The following MSRA variants were observed in gnomAD, a reference collection of about 807,000 sequenced individuals.
MSRA encodes methionine sulfoxide reductase A.
Under a neutral mutation model 31.3 loss-of-function variants are expected in MSRA, and 54 were observed. The ratio of observed to expected loss-of-function variants is 1.73; its 90% confidence interval spans 1.39 to 2.17. The LOEUF (loss-of-function observed/expected upper bound fraction) is 2.17, where lower values mean the gene tolerates loss of function less well. Among genes scored for constraint, MSRA ranks in the 30% most tolerant of loss-of-function variants. The pLI is 0.00. For missense variants in MSRA, 507 were observed against 300.9 expected, an observed-to-expected ratio of 1.69 and a Z score of -5.07; for synonymous variants, 169 against 116.5, an observed-to-expected ratio of 1.45 and a Z score of -2.90.
At chr8:10,096,342 G>A in intron 1 of MSRA, 1 of 1,044,724 alleles carries the variant, frequency 9.6e-7, no homozygotes, top group Non-Finnish European at 1.2e-6. Flanking sequence ...TTATTTTTTT[G>A]TGTGTCTTTG....
At chr8:10,099,161 A>T (rs942186905) in intron 1 of MSRA, among the ~76,000 whole-genome samples, 2 of 152,174 alleles carry the variant, frequency 1.3e-5, no homozygotes, top group African/African-American at 4.8e-5. Flanking sequence ...TATTCCATGC[A>T]GTTGTTCTCT....
chr8:10,332,450 A>ATCC (rs1802760819), intron 5 of MSRA, among the ~76,000 whole-genome samples: 2 of 133,020 alleles, frequency 1.5e-5, no homozygotes, highest in African/African-American at 5.7e-5. Context: ...AAAAAGAAAA[A>ATCC]TCCCCCCTCC....
intron 1 of MSRA, among the ~76,000 whole-genome samples, chr8:10,083,347 A>G (rs1798385755): frequency 6.6e-6 from 1 of 152,200 alleles, no homozygotes; most frequent in Admixed American, 6.5e-5. Context: ...AGGTTAAAAT[A>G]CTGTTTTTAG....
chr8:10,227,294 G>C (rs900405991), intron 2 of MSRA, among the ~76,000 whole-genome samples: 9 of 152,126 alleles, frequency 5.9e-5, no homozygotes, highest in Non-Finnish European at 1.3e-4. Flanking sequence ...TGACCTCAAG[G>C]GAGAGAATTA....
chr8:10,361,646 C>G (rs1804853158), intron 5 of MSRA, among the ~76,000 whole-genome samples: 2 of 152,154 alleles, frequency 1.3e-5, no homozygotes, highest in Non-Finnish European at 2.9e-5. Context: ...AGATGCTTGC[C>G]TTCTCAGGAG....
intron 5 of MSRA, among the ~76,000 whole-genome samples, chr8:10,402,688 T>C (rs563290615): frequency 1.0e-3 from 159 of 152,296 alleles, no homozygotes; most frequent in African/African-American, 3.7e-3. Context: ...CACAGTAGCA[T>C]TGGGAAATGC....
intron 3 of MSRA, among the ~76,000 whole-genome samples, chr8:10,253,368 C>T (rs1286296372): frequency 1.3e-5 from 2 of 152,186 alleles, no homozygotes; most frequent in Admixed American, 6.5e-5. Context: ...ACTCACGTCT[C>T]TCCTTGAACA....
intron 2 of MSRA, among the ~76,000 whole-genome samples, chr8:10,218,581 G>T (rs146080571): frequency 3.3e-4 from 50 of 152,264 alleles, no homozygotes; most frequent in Non-Finnish European, 2.9e-4. Flanking sequence ...TATAAATAGA[G>T]ACTTCTCTTT....
chr8:10,340,552 TG>T (rs1453843663), intron 5 of MSRA, among the ~76,000 whole-genome samples: 1 of 152,230 alleles, frequency 6.6e-6, no homozygotes, highest in Non-Finnish European at 1.5e-5. Flanking sequence ...TTTGTATTTT[TG>T]GTAGAGACAG....
intron 5 of MSRA, among the ~76,000 whole-genome samples, chr8:10,352,684 C>T (rs1426959033): frequency 1.3e-5 from 2 of 152,066 alleles, no homozygotes; most frequent in Non-Finnish European, 2.9e-5. Context: ...GATTGAGCTG[C>T]ACATTTCCCT....
At chr8:10,410,658 C>G (rs1012182404) in intron 5 of MSRA, among the ~76,000 whole-genome samples, 3 of 152,226 alleles carry the variant, frequency 2.0e-5, no homozygotes, top group Non-Finnish European at 4.4e-5. Context: ...GAGCCCAGGC[C>G]CCTCTTGTCC....
chr8:10,380,914 G>A (rs889719345), intron 5 of MSRA, among the ~76,000 whole-genome samples: 11 of 151,648 alleles, frequency 7.3e-5, no homozygotes, highest in Non-Finnish European at 1.6e-4. Context: ...TGGAGGGAGG[G>A]GGAGTGATGG....
chr8:10,286,736 G>A (rs1040080678), intron 3 of MSRA, among the ~76,000 whole-genome samples: 1 of 152,234 alleles, frequency 6.6e-6, no homozygotes, highest in Non-Finnish European at 1.5e-5. Context: ...GTCTTTGGAT[G>A]TCTCCTATCA....
intron 1 of MSRA, among the ~76,000 whole-genome samples, chr8:10,097,503 A>C (rs1470623167): frequency 6.6e-6 from 1 of 152,190 alleles, no homozygotes; most frequent in Non-Finnish European, 1.5e-5. Flanking sequence ...ACAAAAAGAA[A>C]GTTCAGCAAA....
At chr8:10,168,314 A>T (rs1447663227) in intron 1 of MSRA, among the ~76,000 whole-genome samples, 1 of 152,146 alleles carries the variant, frequency 6.6e-6, no homozygotes, top group Non-Finnish European at 1.5e-5. Flanking sequence ...TCTTCTAAAC[A>T]GTATCTCTCT....
At chr8:10,196,163 G>A (rs1485631945) in intron 1 of MSRA, among the ~76,000 whole-genome samples, 1 of 152,218 alleles carries the variant, frequency 6.6e-6, no homozygotes. Flanking sequence ...GGACAGTGTG[G>A]TACATGCTTA....
intron 1 of MSRA, among the ~76,000 whole-genome samples, chr8:10,057,729 G>A (rs1585057574): frequency 6.6e-6 from 1 of 152,046 alleles, no homozygotes; most frequent in Non-Finnish European, 1.5e-5. Context: ...GCGCTCTCTC[G>A]TTCTCTCCTG....
At position 10,054,456 on chromosome 8, in the gene MSRA, G is replaced by C. The variant is rs1209092683; in HGVS notation, c.-61G>C. On this transcript the variant is annotated 5_prime_UTR_variant, in exon 1 of 6. Transcript: ENST00000317173. Reference sequence around the variant, plus strand: ...GCGGACCCCACTCTCTGCCGTTCCGGCTGCGGCTCCGCTGCCGGTAGCGCC... The same window carrying C: ...GCGGACCCCACTCTCTGCCGTTCCGCCTGCGGCTCCGCTGCCGGTAGCGCC... The C allele has an allele frequency of 6.6e-7, 1 of 1,508,200 alleles. No individual in the cohort carries two copies. The highest frequency in any genetic ancestry group is 8.9e-7 in the Non-Finnish European group (1 of 1,125,810). 93.4% of individuals were successfully genotyped at this position (1,508,200 alleles called of 1,614,324 possible).
chr8:10,417,770 G>GTGTC (rs1808566420), intron 5 of MSRA, among the ~76,000 whole-genome samples: 2 of 151,008 alleles, frequency 1.3e-5, no homozygotes, highest in Non-Finnish European at 3.0e-5. Flanking sequence ...GTGTGTGTGT[G>GTGTC]TGTGTGTGTC....
Sources: allele counts gnomAD v4.1 joint callset (sites outside exome capture counted in the v4.1 genomes callset), GRCh38; gene constraint gnomAD v4.1.1; transcripts MANE v1.5; gene names NCBI Gene and HGNC (gene_info 2026-07-23, HGNC 2026-07-21).